The following PAX2 variants were observed in gnomAD, a reference collection of about 807,000 sequenced individuals.
PAX2 encodes paired box protein Pax-2.
In PAX2, 9 loss-of-function variants were observed where a neutral mutation model predicts 41.7. The observed-to-expected ratio is 0.22, with a 90% CI of 0.13 to 0.38. PAX2 has a LOEUF of 0.38. PAX2 is among the 10% of genes least tolerant of loss of function. PAX2 has a pLI of 1.00. For missense variants in PAX2, 418 were observed against 531.6 expected (o/e 0.79, Z 2.10); for synonymous variants, 221 against 212.7 (o/e 1.04, Z -0.34).
chr10:100,752,460 A>G (rs1343965403), intron 3 of PAX2, among the ~76,000 whole-genome samples: 5 of 152,076 alleles, frequency 3.3e-5, no homozygotes, highest in Non-Finnish European at 7.4e-5. Context: ...GGGACAAAGC[A>G]TTGTTTTATG....
At chr10:100,773,637 G>A (rs1302635743) in intron 3 of PAX2, among the ~76,000 whole-genome samples, 1 of 152,176 alleles carries the variant, frequency 6.6e-6, no homozygotes, top group African/African-American at 2.4e-5. Flanking sequence ...CTGCCTGGCT[G>A]TAATGAGATT....
At chr10:100,763,690 CAT>C (rs1161281240) in intron 3 of PAX2, among the ~76,000 whole-genome samples, 4 of 152,220 alleles carry the variant, frequency 2.6e-5, no homozygotes, top group East Asian at 3.8e-4. Flanking sequence ...GTTCTTAAGA[CAT>C]GTGGCTTTTT....
At position 100,818,798 on chromosome 10, in the gene PAX2, A is replaced by G. The variant is rs147824663; in HGVS notation, c.920-5850A>G. Among the ~76,000 whole-genome samples the G allele has an allele frequency of 4.8e-3, 727 of 152,332 alleles. 3 individuals carry two copies. Among genetic ancestry groups the G allele is most frequent in the Non-Finnish European group, 6.6e-3 (448 of 68,034 alleles). ...TATTACTTTCCTGGACCAAACACCT[A>G]TCTATTTTCTGGGTCTGCACTATTT... On this transcript the variant is annotated intron_variant, in intron 7 of 9. Coordinates refer to ENST00000355243, the MANE Select transcript of PAX2 (RefSeq NM_000278.5).
At chr10:100,819,263 G>T (rs1187744811) in intron 7 of PAX2, among the ~76,000 whole-genome samples, 5 of 149,802 alleles carry the variant, frequency 3.3e-5, no homozygotes, top group South Asian at 2.1e-4. Flanking sequence ...AAAAAAAGGG[G>T]GGGGAGTTTA....
chr10:100,828,708 T>TG lies in PAX2; in HGVS notation c.*1095dup. The stretch of plus-strand genomic sequence containing the variant: ...CGTCTGAGCTGCTGCGGGGTGGAAG[T>TG]GGGGGGCTGCCCACTCCACTCCTCC... On this transcript the variant is annotated 3_prime_UTR_variant, in exon 10 of 10. Coordinates refer to ENST00000355243, the MANE Select transcript of PAX2 (RefSeq NM_000278.5). The surrounding 1 kb of genome is among the most constrained non-coding windows in gnomAD (Gnocchi z 6.5). The TG allele has an allele frequency of 4.3e-6, 1 of 233,352 alleles. No homozygotes were observed. Among genetic ancestry groups the TG allele is most frequent in the Non-Finnish European group, 8.5e-6 (1 of 118,014 alleles). The allele number at this position is 233,352 out of a possible 1,614,324, so 14.5% of individuals were successfully genotyped here.
In PAX2 at chr10:100,827,406, A is replaced by G. The variant is rs1848611927; in HGVS notation, c.1109-137A>G. ...ACTATTCTCCGGGGCAACTGGCTCC[A>G]CTGCCCAGCCAAGGTCTCCCAGTCC... On this transcript the variant is annotated intron_variant, in intron 9 of 9. Coordinates refer to ENST00000355243, the MANE Select transcript of PAX2 (RefSeq NM_000278.5). This position sits in a 1 kb window ranked among gnomAD's most constrained non-coding sequence, Gnocchi z 8.5. The G allele has an allele frequency of 1.1e-6, 1 of 881,978 alleles. No homozygotes were observed. The highest frequency in any genetic ancestry group is 1.9e-5 in the Admixed American group (1 of 53,658). 54.6% of individuals were successfully genotyped at this position (881,978 alleles called of 1,614,324 possible). A position where few individuals can be genotyped will look rare whatever the true frequency, so the allele number is the denominator to read the frequency against.
chr10:100,790,313 G>C (rs761231486), intron 5 of PAX2, among the ~76,000 whole-genome samples: 1 of 152,156 alleles, frequency 6.6e-6, no homozygotes, highest in Non-Finnish European at 1.5e-5. Context: ...GTATACCACT[G>C]TCTCAGCAAA....
intron 5 of PAX2, among the ~76,000 whole-genome samples, chr10:100,788,426 C>G (rs751697394): frequency 6.6e-6 from 1 of 152,238 alleles, no homozygotes; most frequent in African/African-American, 2.4e-5. Flanking sequence ...AGGAGGACCC[C>G]GAGGAAGACC....
intron 1 of PAX2, among the ~76,000 whole-genome samples, chr10:100,739,389 T>C (rs1844875988): frequency 6.6e-6 from 1 of 151,938 alleles, no homozygotes; most frequent in African/African-American, 2.4e-5. Flanking sequence ...TGTGGCGCGC[T>C]CTCCGCCTGC....
At chr10:100,766,817 C>T (rs1191826084) in intron 3 of PAX2, among the ~76,000 whole-genome samples, 2 of 152,150 alleles carry the variant, frequency 1.3e-5, no homozygotes, top group Admixed American at 1.3e-4. Flanking sequence ...CCGAATCATA[C>T]ACCATCACCC....
chr10:100,779,147 C>T (rs1589845212), intron 3 of PAX2, among the ~76,000 whole-genome samples: 1 of 152,146 alleles, frequency 6.6e-6, no homozygotes, highest in Non-Finnish European at 1.5e-5. Context: ...GAAAGGTGGA[C>T]AACAAGCCAC....
intron 5 of PAX2, among the ~76,000 whole-genome samples, 170 bp downstream of exon 5, chr10:100,781,535 C>T (rs1846626020): frequency 6.6e-6 from 1 of 152,346 alleles, no homozygotes; most frequent in Admixed American, 6.5e-5. Flanking sequence ...AGGGTGGCTG[C>T]TAGTGGGGCC....
Position 100,824,880 on chromosome 10 carries a change from T to C in PAX2, c.1021+131T>C. 1.2e-6 allele frequency: 2 copies of C among 1,605,824 alleles called. No individual in the cohort carries two copies. Among genetic ancestry groups the C allele is most frequent in the Non-Finnish European group, 1.7e-6 (2 of 1,172,474 alleles). ...GTCCCCTCCCTGCAAACCACTGCTA[T>C]TCTGTCCCTCTCTCTCCTTAGAGGC... On this transcript the variant is annotated intron_variant, in intron 8 of 9. Transcript: ENST00000355243. The surrounding 1 kb of genome is among the most constrained non-coding windows in gnomAD (Gnocchi z 6.6).
rs1016268417 is a variant in PAX2 at position 100,748,437 on chromosome 10, G to T, written c.44-1309G>T. On this transcript the variant is annotated intron_variant, in intron 1 of 9. Transcript: ENST00000355243. This position sits in a 1 kb window ranked among gnomAD's most constrained non-coding sequence, Gnocchi z 5.0. The stretch of plus-strand genomic sequence containing the variant: ...CTTGCTCTAGGTACCCCCCGAGAAA[G>T]GGAGGGGAGAGAAATGAGGGGGGCA... 2 of 985,096 alleles carry T rather than the reference G, an allele frequency of 2.0e-6. No homozygotes were observed. Among genetic ancestry groups the T allele is most frequent in the African/African-American group, 1.7e-5 (1 of 57,200 alleles). The allele number at this position is 985,096 out of a possible 1,614,324, so 61.0% of individuals were successfully genotyped here. A position where few individuals can be genotyped will look rare whatever the true frequency, so the allele number is the denominator to read the frequency against.
chr10:100,761,423 T>C (rs778144400), intron 3 of PAX2, among the ~76,000 whole-genome samples: 19 of 152,032 alleles, frequency 1.2e-4, no homozygotes, highest in Non-Finnish European at 2.4e-4. Flanking sequence ...CCTGGCCCCA[T>C]GGAGACAGCC....
At chr10:100,736,588 T>C (rs982995216) in intron 1 of PAX2, among the ~76,000 whole-genome samples, 3 of 149,982 alleles carry the variant, frequency 2.0e-5, no homozygotes, top group Non-Finnish European at 2.9e-5. Context: ...TCTCATTCCT[T>C]GCTCCCCCCT....
At chr10:100,794,448 C>T (rs570392023) in intron 5 of PAX2, among the ~76,000 whole-genome samples, 2 of 152,294 alleles carry the variant, frequency 1.3e-5, no homozygotes, top group East Asian at 1.9e-4. Flanking sequence ...CCCTCCCTTC[C>T]CTATCCTCCC....
rs141120008 is a variant in PAX2, at chr10:100,813,642, G to C, written c.919+4406G>C. Among the ~76,000 whole-genome samples the C allele has an allele frequency of 6.1e-3, 925 of 152,314 alleles. 6 individuals carry two copies. Among genetic ancestry groups the C allele is most frequent in the African/African-American group, 0.02 (837 of 41,566 alleles). On this transcript the variant is annotated intron_variant, in intron 7 of 9. Coordinates refer to ENST00000355243, the MANE Select transcript of PAX2 (RefSeq NM_000278.5). ...TCGTCTGAGTAGCCCAGGGAAACAA[G>C]GAAGGGGGCAGAATGGAAGGTCACC...
rs191331177 is a variant in PAX2 at position 100,774,703 on chromosome 10, T to C, written c.411-4795T>C. Among the ~76,000 whole-genome samples the C allele has an allele frequency of 2.6e-3, 403 of 152,268 alleles. 4 individuals are homozygous for C. The highest frequency in any genetic ancestry group is 3.7e-3 in the Non-Finnish European group (249 of 68,028). ...ATCATAGTAATCACATTACATGGAG[T>C]GTCCCTATTTAGTCCTTGCCACAGT... is the stretch of plus-strand genomic sequence containing the variant. On this transcript the variant is annotated intron_variant, in intron 3 of 9. Coordinates refer to ENST00000355243, the MANE Select transcript of PAX2 (RefSeq NM_000278.5).
Sources: gnomAD v4.1 joint callset for allele counts (sites outside exome capture counted in the v4.1 genomes callset) on GRCh38, gnomAD v4.1.1 for gene constraint, Gnocchi (gnomAD v3.1) non-coding constraint, MANE v1.5 for transcripts, NCBI Gene and HGNC (gene_info 2026-07-23, HGNC 2026-07-21) for gene names.